Variants in FAM227B observed in about 807,000 individuals in gnomAD.
FAM227B encodes protein FAM227B.
A neutral mutation model predicts 73.8 loss-of-function variants in FAM227B; 88 were observed. The ratio of observed to expected loss-of-function variants is 1.19; its 90% CI spans 1.00 to 1.42. The LOEUF (loss-of-function observed/expected upper bound fraction) is 1.42, where lower values mean the gene tolerates loss of function less well. FAM227B is among the 40% of genes most tolerant of loss of function. FAM227B has a pLI of 0.00. For missense variants in FAM227B, 632 were observed against 590.9 expected, an observed-to-expected ratio of 1.07 and a Z score of -0.72; for synonymous variants, 210 against 190.5, an observed-to-expected ratio of 1.10 and a Z score of -0.84.
At chr15:49,402,469 G>T (rs142300286) in intron 11 of FAM227B, among the ~76,000 whole-genome samples, 184 of 152,256 alleles carry the variant, frequency 1.2e-3, no homozygotes, top group African/African-American at 4.2e-3. Flanking sequence ...GTCTTTTGTA[G>T]TTCTTACTGA....
At chr15:49,521,043 G>GT (rs1179123642) in intron 10 of FAM227B, among the ~76,000 whole-genome samples, 2 of 152,156 alleles carry the variant, frequency 1.3e-5, no homozygotes, top group East Asian at 3.9e-4. Flanking sequence ...CTTCCTGGGG[G>GT]TACAGCACAG....
intron 10 of FAM227B, among the ~76,000 whole-genome samples, chr15:49,535,963 T>C (rs151015679): frequency 1.2e-4 from 18 of 150,986 alleles, no homozygotes; most frequent in African/African-American, 2.4e-4. Flanking sequence ...TTATAATCAA[T>C]TGGAAAAACC....
At chr15:49,510,146 T>C (rs189658668) in intron 10 of FAM227B, among the ~76,000 whole-genome samples, 416 of 152,268 alleles carry the variant, frequency 2.7e-3, no homozygotes, top group South Asian at 5.4e-3. Context: ...CTAGGGAAGA[T>C]AAAGATTTAA....
chr15:49,369,110 C>T (rs2045606612), intron 12 of FAM227B, among the ~76,000 whole-genome samples: 1 of 149,064 alleles, frequency 6.7e-6, no homozygotes, highest in African/African-American at 2.5e-5. Context: ...AGGCGTCCAC[C>T]ACCACGCCTG....
rs180915832 is a variant in FAM227B at position 49,615,287 on chromosome 15, C to G, written c.-72-44G>C. On this transcript the variant is annotated intron_variant, in intron 1 of 15. Coordinates refer to ENST00000299338, the MANE Select transcript of FAM227B (RefSeq NM_152647.3). The stretch of plus-strand genomic sequence containing the variant: ...CCAAATGCAAAAATAAATGACTCAG[C>G]CAAACAATCCCTTTCCCCTCACCCA... 1,933 of 837,228 alleles carry G rather than the reference C, an allele frequency of 2.3e-3. 6 individuals are homozygous for G. The highest frequency in any genetic ancestry group is 3.6e-3 in the Middle Eastern group (16 of 4,490). 51.9% of individuals were successfully genotyped at this position (837,228 alleles called of 1,614,324 possible).
At chr15:49,390,491 A>G (rs1397691367) in intron 11 of FAM227B, among the ~76,000 whole-genome samples, 1 of 152,078 alleles carries the variant, frequency 6.6e-6, no homozygotes. Context: ...ATACTTCCCA[A>G]TTATCCAAAG....
intron 11 of FAM227B, among the ~76,000 whole-genome samples, chr15:49,429,514 A>G (rs1282206207): frequency 2.6e-5 from 4 of 151,818 alleles, no homozygotes; most frequent in Non-Finnish European, 4.4e-5. Flanking sequence ...CTGTACAATA[A>G]CTCTTTAACC....
At chr15:49,536,133 T>TA (rs1367787163) in intron 10 of FAM227B, among the ~76,000 whole-genome samples, 1 of 142,096 alleles carries the variant, frequency 7.0e-6, no homozygotes, top group Non-Finnish European at 1.6e-5. Flanking sequence ...AGGAAATACA[T>TA]AAAATTATCT....
chr15:49,499,120 C>T (rs1326754169), intron 11 of FAM227B, among the ~76,000 whole-genome samples: 1 of 137,330 alleles, frequency 7.3e-6, no homozygotes, highest in Admixed American at 7.6e-5. Context: ...GAGCCGAGAT[C>T]CCGCCACTGC....
At chr15:49,528,842 T>G (rs1299067332) in intron 10 of FAM227B, among the ~76,000 whole-genome samples, 1 of 151,738 alleles carries the variant, frequency 6.6e-6, no homozygotes, top group East Asian at 1.9e-4. Context: ...CTGGTGAGGA[T>G]GTGGAGAAAA....
intron 11 of FAM227B, among the ~76,000 whole-genome samples, chr15:49,387,269 A>C (rs2046940632): frequency 6.6e-6 from 1 of 151,682 alleles, no homozygotes; most frequent in Admixed American, 6.6e-5. Flanking sequence ...AACAAATCCC[A>C]CAGGATATCA....
intron 8 of FAM227B, among the ~76,000 whole-genome samples, chr15:49,569,324 A>G (rs554912523): frequency 6.6e-6 from 1 of 151,692 alleles, no homozygotes; most frequent in Admixed American, 6.6e-5. Context: ...CAGAACTTCT[A>G]GTTTTATTTT....
At chr15:49,360,094 T>A (rs1482410239) in intron 13 of FAM227B, among the ~76,000 whole-genome samples, 3 of 63,324 alleles carry the variant, frequency 4.7e-5, no homozygotes, top group Admixed American at 2.6e-4. Flanking sequence ...TGTTGTGGGG[T>A]GGGGGGAGGG....
At chr15:49,356,359 C>A (rs1204534923) in intron 13 of FAM227B, among the ~76,000 whole-genome samples, 1 of 150,044 alleles carries the variant, frequency 6.7e-6, no homozygotes, top group Non-Finnish European at 1.5e-5. Flanking sequence ...CAGAGACACA[C>A]ATAGGCTCAA....
intron 15 of FAM227B, chr15:49,329,562 A>G (rs1173466586): frequency 2.0e-6 from 2 of 984,690 alleles, no homozygotes; most frequent in African/African-American, 3.5e-5. Flanking sequence ...TCATACATAG[A>G]ATACTAGGAA....
At chr15:49,601,179 C>T (rs1385325052) in intron 3 of FAM227B, among the ~76,000 whole-genome samples, 1 of 150,136 alleles carries the variant, frequency 6.7e-6, no homozygotes, top group Non-Finnish European at 1.5e-5. Context: ...TTGCTCCAAC[C>T]TAATAGTAAC....
At chr15:49,529,074 T>C in intron 10 of FAM227B, among the ~76,000 whole-genome samples, 1 of 151,770 alleles carries the variant, frequency 6.6e-6, no homozygotes, top group Non-Finnish European at 1.5e-5. Context: ...GGAATAAACC[T>C]AAGTGTCTAT....
intron 9 of FAM227B, among the ~76,000 whole-genome samples, chr15:49,545,512 T>C (rs2071705596): frequency 6.6e-6 from 1 of 152,222 alleles, no homozygotes; most frequent in South Asian, 2.1e-4. Flanking sequence ...TGATCTTTGT[T>C]GTTGATTTTC....
chr15:49,497,863 C>A (rs899579134), intron 11 of FAM227B, among the ~76,000 whole-genome samples: 1 of 152,212 alleles, frequency 6.6e-6, no homozygotes, highest in African/African-American at 2.4e-5. Flanking sequence ...TGTGCCTCTG[C>A]ACCACTTTGG....
Sources: gnomAD v4.1 joint callset for allele counts (sites outside exome capture counted in the v4.1 genomes callset) on GRCh38, gnomAD v4.1.1 for gene constraint, MANE v1.5 for transcripts, NCBI Gene and HGNC (gene_info 2026-07-23, HGNC 2026-07-21) for gene names.